DAB1: variants seen among roughly 807,000 people sequenced by gnomAD.
The protein encoded by DAB1 is disabled homolog 1.
A neutral mutation model predicts 64.6 loss-of-function variants in DAB1; 15 were observed. That is an observed-to-expected ratio of 0.23 (90% CI 0.16 to 0.36). DAB1 has a LOEUF of 0.36. DAB1 is among the 10% of genes least tolerant of loss of function. The probability of loss-of-function intolerance (pLI) is 1.00; values close to 1 mark genes in which losing one functional copy is unlikely to be tolerated. For synonymous variants in DAB1, 235 were observed against 251.9 expected (o/e 0.93, Z 0.64); for missense variants, 596 against 706.7 (o/e 0.84, Z 1.78).
chr1:57,402,725 T>C (rs1166648581), intron 1 of DAB1, among the ~76,000 whole-genome samples: 1 of 152,174 alleles, frequency 6.6e-6, no homozygotes, highest in East Asian at 1.9e-4. Flanking sequence ...ACCTACTTCC[T>C]AGAGAGGAGA....
chr1:57,032,495 C>T (rs553180038), intron 9 of DAB1, among the ~76,000 whole-genome samples: 64 of 152,256 alleles, frequency 4.2e-4, no homozygotes, highest in South Asian at 2.5e-3. Context: ...TCCTTCAGGA[C>T]GCAAATTAGA....
chr1:57,596,054 A>G (rs920734941), intron 7 of DAB1, among the ~76,000 whole-genome samples: 3 of 152,102 alleles, frequency 2.0e-5, no homozygotes, highest in Non-Finnish European at 2.9e-5. Flanking sequence ...GTTTTTTTCT[A>G]TGCAAGCCCT....
intron 1 of DAB1, among the ~76,000 whole-genome samples, chr1:57,309,717 G>GA (rs145671626): frequency 7.9e-5 from 12 of 151,464 alleles, no homozygotes; most frequent in Non-Finnish European, 1.2e-4. Flanking sequence ...ACTCAGAGAT[G>GA]AAAAAAAAAT....
chr1:57,078,974 A>G (rs372532215), intron 4 of DAB1, among the ~76,000 whole-genome samples: 102 of 152,318 alleles, frequency 6.7e-4, no homozygotes, highest in East Asian at 2.9e-3. Context: ...TGGATTTGCT[A>G]TAAGATGAAA....
chr1:57,756,398 T>C (rs1310285655), intron 6 of DAB1, among the ~76,000 whole-genome samples: 1 of 152,158 alleles, frequency 6.6e-6, no homozygotes, highest in African/African-American at 2.4e-5. Context: ...AGGTGATTAC[T>C]GACTTGGGAA....
At chr1:57,222,709 A>G (rs1325980443) in intron 2 of DAB1, among the ~76,000 whole-genome samples, 1 of 152,178 alleles carries the variant, frequency 6.6e-6, no homozygotes, top group Non-Finnish European at 1.5e-5. Flanking sequence ...TCACATGGAG[A>G]AAACATACAT....
rs1172454872 is a variant in DAB1 at position 58,507,166 on chromosome 1, T to G, written n.108-957A>C. On this transcript the variant is annotated intron_variant and non_coding_transcript_variant, in intron 2 of 20. Transcript: ENST00000485760. ...CCATAAGGTGGATTATTAACAAATA[T>G]TTTATTAATTTGTTCAATTTATTCA... 5.9e-5 allele frequency among the ~76,000 whole-genome samples: 9 copies of G among 152,028 alleles called. No individual in the cohort carries two copies. In the East Asian group the frequency reaches 1.7e-3, roughly 29 times the overall value.
intron 5 of DAB1, among the ~76,000 whole-genome samples, chr1:58,081,892 G>A (rs1304105164): frequency 6.6e-6 from 1 of 152,156 alleles, no homozygotes; most frequent in Non-Finnish European, 1.5e-5. Flanking sequence ...GAGGTCAGAT[G>A]CTTGCATTTC....
chr1:57,163,228 T>C (rs1660920809), intron 2 of DAB1, among the ~76,000 whole-genome samples: 1 of 152,050 alleles, frequency 6.6e-6, no homozygotes, highest in African/African-American at 2.4e-5. Flanking sequence ...CAGATAGGGA[T>C]AAGTGTTATG....
chr1:57,440,267 T>C (rs1685891693), intron 7 of DAB1, among the ~76,000 whole-genome samples: 1 of 152,220 alleles, frequency 6.6e-6, no homozygotes, highest in African/African-American at 2.4e-5. Context: ...ACTGAGATTG[T>C]AATCTCTTAG....
chr1:57,553,454 A>C (rs560160902), intron 7 of DAB1, among the ~76,000 whole-genome samples: 1 of 137,086 alleles, frequency 7.3e-6, no homozygotes, highest in African/African-American at 2.8e-5. Context: ...GAAAGAAAGA[A>C]AGAAAGAGAA....
At chr1:57,825,346 C>T (rs1186181521), downstream of DAB1, among the ~76,000 whole-genome samples, 1 of 152,096 alleles carries the variant, frequency 6.6e-6, no homozygotes, top group Non-Finnish European at 1.5e-5. Flanking sequence ...AAAATATGAC[C>T]CTTCAGGATA....
At chr1:58,186,263 A>G (rs1570460674) in intron 4 of DAB1, among the ~76,000 whole-genome samples, 1 of 152,298 alleles carries the variant, frequency 6.6e-6, no homozygotes, top group African/African-American at 2.4e-5. Context: ...GCATGGGGCA[A>G]CAGAATGAAT....
At chr1:57,510,372 CT>C (rs1644392775) in intron 7 of DAB1, among the ~76,000 whole-genome samples, 1 of 152,142 alleles carries the variant, frequency 6.6e-6, no homozygotes, top group Non-Finnish European at 1.5e-5. Flanking sequence ...CTGGCCTCTC[CT>C]TCTCTGTGTT....
chr1:57,914,846 T>C (rs1249459074), intron 5 of DAB1, among the ~76,000 whole-genome samples: 1 of 152,158 alleles, frequency 6.6e-6, no homozygotes, highest in African/African-American at 2.4e-5. Flanking sequence ...ACTGCATGCC[T>C]CAAAATTGCC....
chr1:58,203,237 T>C (rs974758690), intron 4 of DAB1, among the ~76,000 whole-genome samples: 2 of 152,214 alleles, frequency 1.3e-5, no homozygotes, highest in Admixed American at 1.3e-4. Flanking sequence ...TCTTAAGTAA[T>C]GATTTGTCTT....
chr1:58,268,529 A>G (rs1342778714), intron 4 of DAB1, among the ~76,000 whole-genome samples: 1 of 152,192 alleles, frequency 6.6e-6, no homozygotes, highest in Non-Finnish European at 1.5e-5. Context: ...TTGTTTCTAA[A>G]TACTAATCCA....
chr1:57,946,723 C>A (rs974496591), intron 5 of DAB1, among the ~76,000 whole-genome samples: 1 of 152,194 alleles, frequency 6.6e-6, no homozygotes, highest in Non-Finnish European at 1.5e-5. Flanking sequence ...CTCTTCTTAC[C>A]CTTTCAGACC....
At chr1:57,053,935 C>T (rs933202062) in intron 9 of DAB1, among the ~76,000 whole-genome samples, 1 of 151,948 alleles carries the variant, frequency 6.6e-6, no homozygotes, top group African/African-American at 2.4e-5. Flanking sequence ...GATCCACCCA[C>T]CTTGGCTTCC....
Sources: gnomAD v4.1 joint callset for allele counts (sites outside exome capture counted in the v4.1 genomes callset) on GRCh38, gnomAD v4.1.1 for gene constraint, MANE v1.5 for transcripts, NCBI Gene and HGNC (gene_info 2026-07-23, HGNC 2026-07-21) for gene names.